The following RFX7 variants were observed in gnomAD, a reference collection of about 807,000 sequenced individuals.
The protein encoded by RFX7 is DNA-binding protein RFX7.
In RFX7, 26 loss-of-function variants were observed where a neutral mutation model predicts 111.8. The observed-to-expected ratio is 0.23, with a 90% CI of 0.17 to 0.32. The LOEUF (loss-of-function observed/expected upper bound fraction) is 0.32. Ranked by LOEUF, RFX7 falls within the 10% of genes least tolerant of loss-of-function variation. The pLI, the probability that RFX7 is intolerant of heterozygous loss-of-function variation, is 1.00. For missense variants in RFX7, 1,573 were observed against 1,772.9 expected (o/e 0.89, Z 2.02); for synonymous variants, 624 against 624.4 (o/e 1.00, Z 0.01).
At chr15:56,206,005 G>A (rs1596008354) in intron 2 of RFX7, among the ~76,000 whole-genome samples, 1 of 152,138 alleles carries the variant, frequency 6.6e-6, no homozygotes, top group African/African-American at 2.4e-5. Context: ...ATGGAAAATG[G>A]TGTAGCTGTT....
At chr15:56,223,787 T>C (rs1192759827) in intron 2 of RFX7, among the ~76,000 whole-genome samples, 3 of 152,214 alleles carry the variant, frequency 2.0e-5, no homozygotes, top group African/African-American at 7.2e-5. Flanking sequence ...GTTTACTTTA[T>C]ACTTTCGACT....
chr15:56,105,195 A>T (rs1167061204), intron 5 of RFX7, among the ~76,000 whole-genome samples: 2 of 152,154 alleles, frequency 1.3e-5, no homozygotes, highest in African/African-American at 4.8e-5. Flanking sequence ...CTTAAATTTT[A>T]TGATTTTTGA....
chr15:56,128,804 T>C (rs1340278304), intron 5 of RFX7, among the ~76,000 whole-genome samples: 1 of 151,702 alleles, frequency 6.6e-6, no homozygotes, highest in Non-Finnish European at 1.5e-5. Context: ...GATAAAAAAA[T>C]CCTAAGAAAT....
intron 3 of RFX7, chr15:56,160,862 T>G (rs1158236062): frequency 1.3e-5 from 2 of 152,088 alleles, no homozygotes; most frequent in Non-Finnish European, 2.9e-5. Flanking sequence ...TCCTAACTTG[T>G]TATGAGGACC....
At chr15:56,228,405 G>T (rs1199868298) in intron 2 of RFX7, among the ~76,000 whole-genome samples, 1 of 151,904 alleles carries the variant, frequency 6.6e-6, no homozygotes, top group East Asian at 1.9e-4. Context: ...ATGAACTATG[G>T]AACTATGTTC....
chr15:56,103,222 TTTATTC>T (rs1305872702), intron 6 of RFX7, among the ~76,000 whole-genome samples: 2 of 151,238 alleles, frequency 1.3e-5, no homozygotes, highest in African/African-American at 2.4e-5. Flanking sequence ...TTTCTCCACT[TTTATTC>T]TTATAATTGT....
chr15:56,238,979 G>T (rs376410573), intron 2 of RFX7, among the ~76,000 whole-genome samples: 1 of 151,882 alleles, frequency 6.6e-6, no homozygotes, highest in Non-Finnish European at 1.5e-5. Context: ...GACTACAGGC[G>T]CACGATGCCA....
At chr15:56,135,948 G>A (rs1429926208) in intron 5 of RFX7, among the ~76,000 whole-genome samples, 11 of 152,116 alleles carry the variant, frequency 7.2e-5, no homozygotes, top group Non-Finnish European at 2.9e-5. Context: ...TTATTTTTGA[G>A]GGCTCTGTTG....
Position 56,126,787 on chromosome 15 carries a change from A to G in RFX7, c.401+15991T>C, listed in dbSNP as rs368747345. On this transcript the variant is annotated intron_variant, in intron 5 of 9. Transcript: ENST00000559447. ...AATATCAGAGAAGAGAACTGTTACC[A>G]AAGATATTAAGATGAAATGGTCAAT... 1.3e-5 allele frequency among the ~76,000 whole-genome samples: 2 copies of G among 152,340 alleles called. 1 individual carries two copies.
chr15:56,149,471 C>T (rs546257444), intron 3 of RFX7, among the ~76,000 whole-genome samples: 232 of 152,310 alleles, frequency 1.5e-3, no homozygotes, highest in Admixed American at 2.6e-3. Context: ...ATGCAGAAGG[C>T]GGGTGATTTC....
chr15:56,098,856 G>C (rs961363696), intron 8 of RFX7, among the ~76,000 whole-genome samples: 1 of 152,160 alleles, frequency 6.6e-6, no homozygotes. Context: ...CCTCATAATG[G>C]AATAAATTTG....
chr15:56,237,973 C>A (rs764554735), intron 2 of RFX7, among the ~76,000 whole-genome samples: 11 of 152,044 alleles, frequency 7.2e-5, no homozygotes, highest in Admixed American at 2.6e-4. Flanking sequence ...ACCTACTAAT[C>A]AAAAATACAT....
At chr15:56,096,766 C>T (rs1194017617) in intron 9 of RFX7, 146 bp from the exon 10 acceptor site, 2 of 759,790 alleles carry the variant, frequency 2.6e-6, no homozygotes, top group African/African-American at 3.5e-5. Flanking sequence ...TCTTCTAGAC[C>T]AGGTTCTACA....
At chr15:56,228,987 A>T (rs187368514) in intron 2 of RFX7, among the ~76,000 whole-genome samples, 2 of 152,246 alleles carry the variant, frequency 1.3e-5, no homozygotes, top group African/African-American at 4.8e-5. Flanking sequence ...TAGTAAAATA[A>T]GGGTTACTTG....
rs1436612633 is a variant in RFX7, at chr15:56,094,383, G to A, written c.3345C>T (p.Asp1115=). Residue 1115 remains aspartate, a synonymous_variant, in exon 10 of 10, where the codon GAC becomes GAT. Coordinates refer to ENST00000559447, the MANE Select transcript of RFX7 (RefSeq NM_022841.7). Reference sequence around the variant, plus strand: ...CAGGAGTCAAACGACCAAAATGAGTGTCATGATGTCTGGATTGAGACTGAT... The same window carrying A: ...CAGGAGTCAAACGACCAAAATGAGTATCATGATGTCTGGATTGAGACTGAT... ...QSYQSQSRHH[D]THFGRLTPVS... 6.2e-7 allele frequency: 1 copy of A among 1,613,824 alleles called. No individual in the cohort carries two copies. Among genetic ancestry groups the A allele is most frequent in the Non-Finnish European group, 8.5e-7 (1 of 1,179,876 alleles).
chr15:56,183,648 A>C (rs548081286), intron 2 of RFX7, among the ~76,000 whole-genome samples: 1 of 152,258 alleles, frequency 6.6e-6, no homozygotes, highest in South Asian at 2.1e-4. Context: ...ATTTGATTGC[A>C]TGACCCCCCT....
rs2041561226 is a variant in RFX7, at chr15:56,088,837, T to C, written c.*4508A>G. 6.6e-6 allele frequency: 1 copy of C among 152,214 alleles called. No individual in the cohort carries two copies. The highest frequency in any genetic ancestry group is 1.5e-5 in the Non-Finnish European group (1 of 68,042). 9.4% of individuals were successfully genotyped at this position (152,214 alleles called of 1,614,324 possible). A position where few individuals can be genotyped will look rare whatever the true frequency, so the allele number is the denominator to read the frequency against. On this transcript the variant is annotated 3_prime_UTR_variant, in exon 10 of 10. Coordinates refer to ENST00000559447, the MANE Select transcript of RFX7 (RefSeq NM_022841.7). ...CAGTTAACAGTTAGCACCAGTAAACTTAGTTCGGCAGATTTCAAATTCTTA... is the reference window on the plus strand; with the variant it reads ...CAGTTAACAGTTAGCACCAGTAAACCTAGTTCGGCAGATTTCAAATTCTTA...
In RFX7 at chr15:56,162,541, T is replaced by C. The variant is rs144294837; in HGVS notation, c.195+16729A>G. Among the ~76,000 whole-genome samples the C allele has an allele frequency of 1.1e-3, 164 of 152,096 alleles. 1 individual carries two copies. Among genetic ancestry groups the C allele is most frequent in the African/African-American group, 3.8e-3 (157 of 41,538 alleles). ...AATAAATTTGAAAGCTAGCTGACAA[T>C]GGTTAGAGCATTGTTTATAATCATG... On this transcript the variant is annotated intron_variant, in intron 3 of 9. Transcript: ENST00000559447.
At chr15:56,197,880 C>T (rs2043160063) in intron 2 of RFX7, among the ~76,000 whole-genome samples, 1 of 152,152 alleles carries the variant, frequency 6.6e-6, no homozygotes, top group African/African-American at 2.4e-5. Flanking sequence ...CATCTGGGCA[C>T]TGACTCTGCT....
Sources: gnomAD v4.1 joint callset for allele counts (sites outside exome capture counted in the v4.1 genomes callset) on GRCh38, gnomAD v4.1.1 for gene constraint, MANE v1.5 for transcripts, NCBI Gene and HGNC (gene_info 2026-07-23, HGNC 2026-07-21) for gene names.